The following FKBP8 variants were observed in gnomAD, a reference collection of about 807,000 sequenced individuals.
FKBP8 encodes the protein peptidyl-prolyl cis-trans isomerase FKBP8.
In FKBP8, 5 loss-of-function variants were observed where a neutral mutation model predicts 41.7. The observed-to-expected ratio is 0.12, with a 90% CI of 0.06 to 0.25. The LOEUF (loss-of-function observed/expected upper bound fraction) is 0.25. FKBP8 is among the 10% of genes least tolerant of loss of function. The pLI, the probability that FKBP8 is intolerant of heterozygous loss-of-function variation, is 1.00. For synonymous variants in FKBP8, 279 were observed against 254.5 expected, an observed-to-expected ratio of 1.10 and a Z score of -0.92; for missense variants, 397 against 563.0, an observed-to-expected ratio of 0.71 and a Z score of 2.98.
At chr19:18,542,152 G>A (rs548517905) in intron 1 of FKBP8, 157 bp from the exon 2 acceptor site, 284 of 1,118,734 alleles carry the variant, frequency 2.5e-4, no homozygotes, top group Admixed American at 8.7e-4. Context: ...AACAACCCCA[G>A]CTTGTTGGGA....
chr19:18,540,133 A>T (rs1976667036), intron 2 of FKBP8, among the ~76,000 whole-genome samples: 1 of 152,162 alleles, frequency 6.6e-6, no homozygotes, highest in Admixed American at 6.6e-5. Context: ...CTCCTCAAAA[A>T]GAAAGAAAAC....
intron 6 of FKBP8, among the ~76,000 whole-genome samples, chr19:18,536,500 C>T (rs1052919609): frequency 1.3e-5 from 2 of 152,154 alleles, no homozygotes; most frequent in Admixed American, 6.5e-5. Flanking sequence ...GACAGGCCCG[C>T]GCCCCCACAC....
intron 6 of FKBP8, among the ~76,000 whole-genome samples, chr19:18,536,698 T>C (rs1283073051): frequency 6.6e-6 from 1 of 152,194 alleles, no homozygotes; most frequent in African/African-American, 2.4e-5. Context: ...ACTATGTACC[T>C]GGCCCTGTTT....
In FKBP8 at chr19:18,534,746, G is replaced by A. The variant is rs144599184; in HGVS notation, c.946-1399C>T. Among the ~76,000 whole-genome samples, 210 of 150,148 alleles carry A rather than the reference G, an allele frequency of 1.4e-3. 1 individual carries two copies. Among genetic ancestry groups the A allele is most frequent in the African/African-American group, 4.8e-3 (195 of 40,732 alleles). On this transcript the variant is annotated intron_variant, in intron 6 of 8. Transcript: ENST00000608443. ...ACAGGCGTGTACTACCATGTCCAACGAATTATTTATTTATGTATTTATTTA... is the reference window on the plus strand; with the variant it reads ...ACAGGCGTGTACTACCATGTCCAACAAATTATTTATTTATGTATTTATTTA...
Position 18,537,864 on chromosome 19 carries a change from TCA to T in FKBP8, c.773-93_773-92del, listed in dbSNP as rs746822564. ...CTCTGCGGAGGCTGCCTCTCTGGCC[TCA>T]GTTTCCCCAATTTTAACCCCGGACC... On this transcript the variant is annotated intron_variant, in intron 5 of 8. Transcript: ENST00000608443. This position sits in a 1 kb window ranked among gnomAD's most constrained non-coding sequence, Gnocchi z 4.4. 2.6e-5 allele frequency: 36 copies of T among 1,392,746 alleles called. 1 individual carries two copies. Among genetic ancestry groups the T allele is most frequent in the Non-Finnish European group, 3.3e-5 (34 of 1,024,788 alleles). The allele number at this position is 1,392,746 out of a possible 1,614,324, so 86.3% of individuals were successfully genotyped here. A position where few individuals can be genotyped will look rare whatever the true frequency, so the allele number is the denominator to read the frequency against.
chr19:18,534,946 G>A (rs547509674), intron 6 of FKBP8, among the ~76,000 whole-genome samples: 3 of 151,734 alleles, frequency 2.0e-5, no homozygotes, highest in Admixed American at 6.6e-5. Context: ...TACCACCACC[G>A]GCTAATTTTT....
At position 18,537,861 on chromosome 19, in the gene FKBP8, G is replaced by A; in HGVS notation, c.773-88C>T. On this transcript the variant is annotated intron_variant, in intron 5 of 8. Transcript: ENST00000608443. This position sits in a 1 kb window ranked among gnomAD's most constrained non-coding sequence, Gnocchi z 4.4. ...CCCCTCTGCGGAGGCTGCCTCTCTG[G>A]CCTCAGTTTCCCCAATTTTAACCCC... 7.1e-7 allele frequency: 1 copy of A among 1,412,872 alleles called. No individual in the cohort carries two copies. Among genetic ancestry groups the A allele is most frequent in the Non-Finnish European group, 9.6e-7 (1 of 1,042,366 alleles). 87.5% of individuals were successfully genotyped at this position (1,412,872 alleles called of 1,614,324 possible).
In FKBP8 at chr19:18,537,640, G is replaced by C. The variant is rs1976609179; in HGVS notation, c.906C>G (p.His302Gln). ...AGAGAGCCTTGATGTTGTCTGGCTG[G>C]TGCTCCAGCACAAGGCTGCAGGAGC... ...ALRSCSLVLE[H>Q]QPDNIKALFR... Residue 302 changes from histidine (H) to glutamine (Q), a missense_variant, in exon 6 of 9, where the codon CAC becomes CAG. Coordinates refer to ENST00000608443, the MANE Select transcript of FKBP8 (RefSeq NM_012181.5). The surrounding 1 kb of genome is among the most constrained non-coding windows in gnomAD (Gnocchi z 4.4). The C allele has an allele frequency of 6.2e-7, 1 of 1,610,870 alleles. No homozygotes were observed. Among genetic ancestry groups the C allele is most frequent in the Non-Finnish European group, 8.5e-7 (1 of 1,178,218 alleles).
intron 4 of FKBP8, 76 bp downstream of exon 4, chr19:18,539,295 G>T: frequency 2.3e-6 from 3 of 1,310,872 alleles, no homozygotes; most frequent in Admixed American, 2.1e-5. Flanking sequence ...AGTAGATGGG[G>T]TGAGCCGAGG....
rs139139892 is a variant in FKBP8, at chr19:18,532,596, G to C, written c.1155+68C>G. 5.9e-4 allele frequency: 933 copies of C among 1,579,984 alleles called. 7 individuals are homozygous for C. The African/African-American group carries it at 9.8e-3, about 17-fold the overall frequency. On this transcript the variant is annotated intron_variant, in intron 8 of 8. Coordinates refer to ENST00000608443, the MANE Select transcript of FKBP8 (RefSeq NM_012181.5). The stretch of plus-strand genomic sequence containing the variant: ...CCAGTCTCCGAGGACATCCATGTAT[G>C]CAAAATAAAATCCCTCTGCTAGGCG...
intron 2 of FKBP8, 124 bp downstream of exon 2, chr19:18,541,555 C>T: frequency 7.2e-7 from 1 of 1,391,138 alleles, no homozygotes; most frequent in Non-Finnish European, 9.7e-7. Context: ...CAGTAGTTGC[C>T]TCTGGCTGGT....
At chr19:18,542,319 C>A (rs1046015031) in intron 1 of FKBP8, 3 of 254,870 alleles carry the variant, frequency 1.2e-5, no homozygotes, top group African/African-American at 4.5e-5. Flanking sequence ...GGGGCAAAGG[C>A]ATTTGCCCAA....
Position 18,537,533 on chromosome 19 carries a change from G to A in FKBP8, c.945+68C>T. On this transcript the variant is annotated intron_variant, in intron 6 of 8. Coordinates refer to ENST00000608443, the MANE Select transcript of FKBP8 (RefSeq NM_012181.5). The surrounding 1 kb of genome is among the most constrained non-coding windows in gnomAD (Gnocchi z 4.4). Reference sequence around the variant, plus strand: ...TTATATACCTATGCCTTTCTCAAATGCAGGGTTGGGGACCACCCCGTATAC... The same window carrying A: ...TTATATACCTATGCCTTTCTCAAATACAGGGTTGGGGACCACCCCGTATAC... The A allele has an allele frequency of 7.0e-7, 1 of 1,429,136 alleles. No homozygotes were observed. The allele number at this position is 1,429,136 out of a possible 1,614,324, so 88.5% of individuals were successfully genotyped here. A position where few individuals can be genotyped will look rare whatever the true frequency, so the allele number is the denominator to read the frequency against.
intron 2 of FKBP8, 38 bp from the exon 3 acceptor site, chr19:18,539,758 A>T: frequency 6.3e-7 from 1 of 1,597,828 alleles, no homozygotes. Context: ...GTCACCTGGC[A>T]GCTCAAACAG....
intron 7 of FKBP8, 46 bp from the exon 8 acceptor site, chr19:18,532,841 C>A: frequency 6.2e-7 from 1 of 1,604,796 alleles, no homozygotes. Flanking sequence ...GCCAACCTGT[C>A]ATCACTGGCG....
At chr19:18,541,656 C>T (rs941202991) in intron 2 of FKBP8, 23 bp downstream of exon 2, 6 of 1,579,228 alleles carry the variant, frequency 3.8e-6, no homozygotes, top group Non-Finnish European at 5.2e-6. Context: ...CCAAGGGCAC[C>T]CTGATCCACC....
chr19:18,533,429 G>T (rs1328545870), intron 6 of FKBP8, 82 bp from the exon 7 acceptor site: 2 of 1,051,956 alleles, frequency 1.9e-6, no homozygotes, highest in East Asian at 5.4e-5. Context: ...AGGTTGCAGT[G>T]AGCCAAGATG....
chr19:18,533,205 C>G, intron 7 of FKBP8, 65 bp downstream of exon 7: 1 of 1,430,428 alleles, frequency 7.0e-7, no homozygotes, highest in South Asian at 1.3e-5. Context: ...CAAGAAAGAC[C>G]TGGGGCAGAC....
intron 2 of FKBP8, among the ~76,000 whole-genome samples, chr19:18,540,474 C>T (rs1976672906): frequency 6.6e-6 from 1 of 152,208 alleles, no homozygotes; most frequent in Non-Finnish European, 1.5e-5. Context: ...TGGCTCACAC[C>T]TGTAACCCCA....
Sources: allele counts gnomAD v4.1 joint callset (sites outside exome capture counted in the v4.1 genomes callset), GRCh38; gene constraint gnomAD v4.1.1; non-coding constraint Gnocchi (gnomAD v3.1); transcripts MANE v1.5; gene names NCBI Gene and HGNC (gene_info 2026-07-23, HGNC 2026-07-21).